RAD54B: variants seen among roughly 807,000 people sequenced by gnomAD.
RAD54B encodes the protein RAD54 homolog B.
In RAD54B, 78 loss-of-function variants were observed where a neutral mutation model predicts 95.8. The ratio of observed to expected loss-of-function variants is 0.81; its 90% CI spans 0.68 to 0.98. The LOEUF (loss-of-function observed/expected upper bound fraction) is 0.98, where lower values mean the gene tolerates loss of function less well. Among genes scored for constraint, RAD54B ranks in the 50% least tolerant of loss-of-function variants. The pLI is 0.00. For synonymous variants in RAD54B, 328 were observed against 354.9 expected (o/e 0.92, Z 0.85); for missense variants, 957 against 1,056.6 (o/e 0.91, Z 1.31).
At chr8:94,406,947 C>T (rs1324910468) in intron 5 of RAD54B, among the ~76,000 whole-genome samples, 1 of 152,050 alleles carries the variant, frequency 6.6e-6, no homozygotes, top group Non-Finnish European at 1.5e-5. Flanking sequence ...AAATTGCATT[C>T]ATCAGTGTGA....
At chr8:94,457,573 T>C (rs1347061436) in intron 3 of RAD54B, among the ~76,000 whole-genome samples, 2 of 152,216 alleles carry the variant, frequency 1.3e-5, no homozygotes, top group African/African-American at 4.8e-5. Context: ...ACTGGTATCA[T>C]AAGGATGGCA....
intron 3 of RAD54B, among the ~76,000 whole-genome samples, chr8:94,435,500 T>C (rs1352197954): frequency 6.6e-6 from 1 of 152,090 alleles, no homozygotes; most frequent in African/African-American, 2.4e-5. Context: ...GCACATTGTG[T>C]AAAGCTTTGT....
chr8:94,398,030 T>C (rs1811187522), intron 8 of RAD54B, among the ~76,000 whole-genome samples: 1 of 152,104 alleles, frequency 6.6e-6, no homozygotes, highest in Admixed American at 6.6e-5. Flanking sequence ...ATTCAGAGTA[T>C]GGTTCCTATT....
chr8:94,450,405 G>A (rs1812627098), intron 3 of RAD54B, among the ~76,000 whole-genome samples: 1 of 152,202 alleles, frequency 6.6e-6, no homozygotes, highest in Non-Finnish European at 1.5e-5. Flanking sequence ...TACTTGGAAA[G>A]AGACTGACCT....
At chr8:94,388,243 C>T (rs58866206) in intron 10 of RAD54B, among the ~76,000 whole-genome samples, 11,999 of 152,188 alleles carry the variant, frequency 0.079, 819 homozygotes, top group African/African-American at 0.16. Context: ...CCTCCTCTGC[C>T]TCCTCTCCTC....
chr8:94,417,706 G>C (rs2450249), intron 3 of RAD54B, among the ~76,000 whole-genome samples: 14,325 of 151,312 alleles, frequency 0.095, 1,115 homozygotes, highest in East Asian at 0.32. Context: ...ACATATGTCT[G>C]GAAAAAAAAA....
intron 1 of RAD54B, chr8:94,468,146 C>T (rs1028797595): frequency 6.6e-6 from 1 of 152,194 alleles, no homozygotes; most frequent in Admixed American, 6.5e-5. Context: ...GCCCCCACTT[C>T]AAGATGTCTC....
chr8:94,411,880 G>A (rs1430434382), intron 3 of RAD54B, among the ~76,000 whole-genome samples: 2 of 152,048 alleles, frequency 1.3e-5, no homozygotes, highest in East Asian at 3.9e-4. Flanking sequence ...ACTTTTTGTG[G>A]TGAAAACATT....
chr8:94,425,131 T>C (rs926165456), intron 3 of RAD54B, among the ~76,000 whole-genome samples: 9 of 151,096 alleles, frequency 6.0e-5, no homozygotes, highest in African/African-American at 1.9e-4. Flanking sequence ...TTAATATTAA[T>C]AGTGGGCATT....
chr8:94,372,111 T>A lies in RAD54B; in HGVS notation c.*59A>T. On this transcript the variant is annotated 3_prime_UTR_variant, in exon 15 of 15. Transcript: ENST00000336148. ...ATTCTATTAATTTTCAAAAAGTACA[T>A]TTAATTACCATACTAATTTTCAAAA... is the stretch of plus-strand genomic sequence containing the variant. 1 of 1,513,798 alleles carries A rather than the reference T, an allele frequency of 6.6e-7. No individual in the cohort carries two copies. The highest frequency in any genetic ancestry group is 2.4e-5 in the East Asian group (1 of 41,280). 93.8% of individuals were successfully genotyped at this position (1,513,798 alleles called of 1,614,324 possible).
chr8:94,375,910 GGGTAGAGTAGGA>G lies in RAD54B; in HGVS notation c.2515+2258_2515+2269del, dbSNP rs565698791. 3.0e-3 allele frequency among the ~76,000 whole-genome samples: 461 copies of G among 152,002 alleles called. 2 individuals carry two copies. Among genetic ancestry groups the G allele is most frequent in the African/African-American group, 9.6e-3 (396 of 41,378 alleles). On this transcript the variant is annotated intron_variant, in intron 14 of 14. Transcript: ENST00000336148. Reference sequence around the variant, plus strand: ...AGAAGGCTAGAAATTAGGGAGATAAGGGTAGAGTAGGAGGTAGAGTAGGAGGTAGAGTAGGAG... The same window carrying G: ...AGAAGGCTAGAAATTAGGGAGATAAGGGTAGAGTAGGAGGTAGAGTAGGAG...
chr8:94,410,067 G>A (rs968425554), intron 4 of RAD54B, among the ~76,000 whole-genome samples: 20 of 152,096 alleles, frequency 1.3e-4, no homozygotes, highest in African/African-American at 4.1e-4. Context: ...ACACTGTCAC[G>A]GCCTTTCATA....
intron 3 of RAD54B, among the ~76,000 whole-genome samples, chr8:94,421,101 A>T (rs1811798118): frequency 6.6e-6 from 1 of 151,960 alleles, no homozygotes; most frequent in Non-Finnish European, 1.5e-5. Flanking sequence ...TCAAATTCCC[A>T]ATCACTCCTT....
chr8:94,385,514 T>G (rs377624791), intron 11 of RAD54B, among the ~76,000 whole-genome samples: 9 of 152,266 alleles, frequency 5.9e-5, no homozygotes, highest in African/African-American at 2.2e-4. Flanking sequence ...AGAGCTCCAT[T>G]AGAGGTAGGT....
At chr8:94,451,232 A>C (rs28781343) in intron 3 of RAD54B, among the ~76,000 whole-genome samples, 1,977 of 152,288 alleles carry the variant, frequency 0.013, 47 homozygotes, top group African/African-American at 0.046. Flanking sequence ...AAACGCTCAA[A>C]AACTGATGGG....
In RAD54B at chr8:94,396,653, C is replaced by T. The variant is rs1811155051; in HGVS notation, c.1378+2761G>A. ...AGTAAAGAATTAATCTCAGATTTAT[C>T]TTTTCTATGATATAATGAAAGGGCA... On this transcript the variant is annotated intron_variant, in intron 8 of 14. Coordinates refer to ENST00000336148, the MANE Select transcript of RAD54B (RefSeq NM_012415.3). 2.6e-5 allele frequency among the ~76,000 whole-genome samples: 4 copies of T among 152,124 alleles called. No homozygotes were observed. In the South Asian group the frequency reaches 8.3e-4, roughly 32 times the overall value.
intron 10 of RAD54B, among the ~76,000 whole-genome samples, chr8:94,387,934 AAACTTTGTTC>A (rs1420986045): frequency 6.6e-6 from 1 of 152,172 alleles, no homozygotes; most frequent in African/African-American, 2.4e-5. Flanking sequence ...ACTGTTTTTG[AAACTTTGTTC>A]AACCTAAACC....
At chr8:94,424,417 T>C (rs763659851) in intron 3 of RAD54B, among the ~76,000 whole-genome samples, 1 of 152,198 alleles carries the variant, frequency 6.6e-6, no homozygotes, top group African/African-American at 2.4e-5. Flanking sequence ...TCCCTTAATG[T>C]TTACACCATC....
chr8:94,429,700 GAA>G (rs1192885760), intron 3 of RAD54B: 1 of 983,442 alleles, frequency 1.0e-6, no homozygotes, highest in Admixed American at 6.2e-5. Context: ...AGATTAAAGA[GAA>G]AAGGTAACAT....
Sources: allele counts gnomAD v4.1 joint callset (sites outside exome capture counted in the v4.1 genomes callset), GRCh38; gene constraint gnomAD v4.1.1; transcripts MANE v1.5; gene names NCBI Gene and HGNC (gene_info 2026-07-23, HGNC 2026-07-21).